Variants in ZNF280D observed in about 807,000 individuals in gnomAD.
ZNF280D encodes suppressor of hairy wing homolog 4.
In ZNF280D, 39 loss-of-function variants were observed where a neutral mutation model predicts 94.7. The observed-to-expected ratio is 0.41, with a 90% confidence interval of 0.32 to 0.54. The LOEUF (loss-of-function observed/expected upper bound fraction) is 0.54, where lower values mean the gene tolerates loss of function less well. ZNF280D is among the 20% of genes least tolerant of loss of function. The pLI, the probability that ZNF280D is intolerant of heterozygous loss-of-function variation, is 0.22. For missense variants in ZNF280D, 1,090 were observed against 1,149.3 expected, an observed-to-expected ratio of 0.95 and a Z score of 0.75; for synonymous variants, 398 against 377.6, an observed-to-expected ratio of 1.05 and a Z score of -0.63.
chr15:56,669,485 T>C (rs1253419190), intron 13 of ZNF280D, among the ~76,000 whole-genome samples: 2 of 151,884 alleles, frequency 1.3e-5, no homozygotes, highest in Non-Finnish European at 1.5e-5. Flanking sequence ...GAGAGCTGTA[T>C]TGTCCAACAC....
At chr15:56,669,897 T>TTAC (rs2054611175) in intron 13 of ZNF280D, among the ~76,000 whole-genome samples, 1 of 8,506 alleles carries the variant, frequency 1.2e-4, no homozygotes, top group Non-Finnish European at 2.1e-4. Context: ...ATTATATATA[T>TTAC]ATATAATATA....
chr15:56,719,417 C>T (rs776797670), intron 1 of ZNF280D, among the ~76,000 whole-genome samples: 2 of 152,096 alleles, frequency 1.3e-5, no homozygotes, highest in Non-Finnish European at 2.9e-5. Flanking sequence ...TTATAAATCG[C>T]TACCCACACA....
chr15:56,710,397 G>C (rs2057693629), intron 1 of ZNF280D, among the ~76,000 whole-genome samples: 1 of 150,772 alleles, frequency 6.6e-6, no homozygotes, highest in African/African-American at 2.4e-5. Flanking sequence ...AAGAGAGCAA[G>C]ACTCTGTCTC....
At chr15:56,634,660 G>C (rs572156100) in intron 21 of ZNF280D, among the ~76,000 whole-genome samples, 2 of 152,192 alleles carry the variant, frequency 1.3e-5, no homozygotes, top group East Asian at 1.9e-4. Flanking sequence ...TTGGAATAAA[G>C]TTCTAATTGG....
At chr15:56,663,419 AGAGT>A (rs1180257317) in intron 16 of ZNF280D, among the ~76,000 whole-genome samples, 2 of 152,156 alleles carry the variant, frequency 1.3e-5, no homozygotes, top group Non-Finnish European at 2.9e-5. Flanking sequence ...GAGAGGCTAC[AGAGT>A]TAGTACGGGA....
chr15:56,724,411 A>T (rs2058528095), intron 1 of ZNF280D, among the ~76,000 whole-genome samples: 1 of 152,170 alleles, frequency 6.6e-6, no homozygotes, highest in South Asian at 2.1e-4. Flanking sequence ...GAACAGGTCA[A>T]ATGCTCTAAG....
In ZNF280D at chr15:56,666,848, T is replaced by G; in HGVS notation, c.1684A>C (p.Thr562Pro). ...ITAKNPAKSN[T>P]SKPNTVKSNA... ...GATTTGACTGTATTAGGTTTACTTG[T>G]ATTAGATTTTGCAGGATTTTTAGCA... Residue 562 changes from threonine (T) to proline (P), a missense_variant, in exon 15 of 22, where the codon ACA becomes CCA. Physicochemically the swap from Thr to Pro is conservative, Grantham distance 38. Transcript: ENST00000267807. 1.2e-6 allele frequency: 2 copies of G among 1,613,940 alleles called. No individual in the cohort carries two copies. Among genetic ancestry groups the G allele is most frequent in the Non-Finnish European group, 1.7e-6 (2 of 1,179,920 alleles).
chr15:56,716,020 G>A (rs1210827896), intron 1 of ZNF280D, among the ~76,000 whole-genome samples: 1 of 152,124 alleles, frequency 6.6e-6, no homozygotes, highest in Non-Finnish European at 1.5e-5. Flanking sequence ...ATGAGAGCAT[G>A]TGTATAGGTT....
At chr15:56,667,068 A>C (rs2054341620) in intron 14 of ZNF280D, 82 bp from the exon 15 acceptor site, 2 of 1,163,498 alleles carry the variant, frequency 1.7e-6, no homozygotes, top group South Asian at 4.4e-5. Context: ...AAATAGTTAA[A>C]AATCAAGAAT....
At chr15:56,697,844 C>T (rs768776945) in intron 6 of ZNF280D, 23 of 151,686 alleles carry the variant, frequency 1.5e-4, no homozygotes, top group Non-Finnish European at 3.2e-4. Flanking sequence ...GACTTGCAAA[C>T]GCAAAAAAAA....
chr15:56,658,589 A>C, intron 16 of ZNF280D, 103 bp from the exon 17 acceptor site: 1 of 753,922 alleles, frequency 1.3e-6, no homozygotes, highest in Non-Finnish European at 2.1e-6. Context: ...TTGTAATAAA[A>C]GATTATAATG....
At position 56,665,737 on chromosome 15, in the gene ZNF280D, T is replaced by C. The variant is rs528718302; in HGVS notation, c.1994+658A>G. On this transcript the variant is annotated intron_variant, in intron 16 of 21. Coordinates refer to ENST00000267807, the MANE Select transcript of ZNF280D (RefSeq NM_017661.4). ...AAAAAAAAAAGGAGGATGACGCTCATGAGATTACAAGTATTTATTTAGTAA... is the reference window on the plus strand; with the variant it reads ...AAAAAAAAAAGGAGGATGACGCTCACGAGATTACAAGTATTTATTTAGTAA... Among the ~76,000 whole-genome samples, 192 of 138,358 alleles carry C rather than the reference T, an allele frequency of 1.4e-3. 1 individual carries two copies. The highest frequency in any genetic ancestry group is 1.5e-3 in the Non-Finnish European group (95 of 64,464). 90.8% of individuals were successfully genotyped at this position (138,358 alleles called of 152,430 possible).
At chr15:56,712,594 C>CAAAAAAAAAAAAAAAAAAAAAAAGAAA (rs1171267893) in intron 1 of ZNF280D, among the ~76,000 whole-genome samples, 1 of 76,982 alleles carries the variant, frequency 1.3e-5, no homozygotes, top group African/African-American at 5.3e-5. Flanking sequence ...ACCCTCATAC[C>CAAAAAAAAAAAAAAAAAAAAAAAGAAA]AAAAAAAAAA....
At chr15:56,641,592 T>A (rs1275314692) in intron 20 of ZNF280D, among the ~76,000 whole-genome samples, 3 of 151,862 alleles carry the variant, frequency 2.0e-5, no homozygotes, top group Non-Finnish European at 4.4e-5. Context: ...CTAAACTATA[T>A]ATCCTTTGTA....
intron 1 of ZNF280D, among the ~76,000 whole-genome samples, chr15:56,728,033 C>T (rs1157521921): frequency 4.2e-5 from 6 of 142,696 alleles, no homozygotes; most frequent in Admixed American, 4.1e-4. Flanking sequence ...TTACTTAATA[C>T]ATTTTTTTTT....
chr15:56,695,080 G>A (rs1290794478), intron 6 of ZNF280D, among the ~76,000 whole-genome samples: 2 of 152,044 alleles, frequency 1.3e-5, no homozygotes, highest in African/African-American at 4.8e-5. Context: ...GTGTGTGTGT[G>A]TGTGTGTGTG....
intron 3 of ZNF280D, among the ~76,000 whole-genome samples, chr15:56,705,381 C>T (rs1191886406): frequency 1.3e-5 from 2 of 152,168 alleles, no homozygotes; most frequent in Admixed American, 1.3e-4. Flanking sequence ...GAATATCTTT[C>T]CTTCTCAGTT....
Position 56,635,649 on chromosome 15 carries a change from G to T in ZNF280D, c.2260-399C>A, listed in dbSNP as rs3784555. 1.6e-4 allele frequency: 24 copies of T among 152,468 alleles called. No individual in the cohort carries two copies. In the East Asian group the frequency reaches 4.4e-3, roughly 28 times the overall value. 9.4% of individuals were successfully genotyped at this position (152,468 alleles called of 1,614,324 possible). ...TTTTATATAAATATATTAGGCACAG[G>T]TATTTAGATAAAACATTTCTGAATT... On this transcript the variant is annotated intron_variant, in intron 20 of 21. Coordinates refer to ENST00000267807, the MANE Select transcript of ZNF280D (RefSeq NM_017661.4).
intron 14 of ZNF280D, among the ~76,000 whole-genome samples, chr15:56,667,622 A>G (rs2054384793): frequency 6.6e-6 from 1 of 152,220 alleles, no homozygotes; most frequent in Non-Finnish European, 1.5e-5. Flanking sequence ...GAAAAACACA[A>G]GTGCCTACCA....
Sources: allele counts gnomAD v4.1 joint callset (sites outside exome capture counted in the v4.1 genomes callset), GRCh38; gene constraint gnomAD v4.1.1; transcripts MANE v1.5; gene names NCBI Gene and HGNC (gene_info 2026-07-23, HGNC 2026-07-21).